The following PDCL variants were observed in gnomAD, a reference collection of about 807,000 sequenced individuals.
The protein encoded by PDCL is phosducin-like protein.
A neutral mutation model predicts 26.7 loss-of-function variants in PDCL; 11 were observed. That is an observed-to-expected ratio of 0.41 (90% CI 0.26 to 0.68). PDCL has a LOEUF of 0.68. Among genes scored for constraint, PDCL ranks in the 30% least tolerant of loss-of-function variants. PDCL has a pLI of 0.30. For missense variants in PDCL, 330 were observed against 371.6 expected (o/e 0.89, Z 0.92); for synonymous variants, 118 against 134.9 (o/e 0.87, Z 0.87).
intron 3 of PDCL, among the ~76,000 whole-genome samples, chr9:122,821,568 T>G (rs1564268256): frequency 6.6e-6 from 1 of 152,196 alleles, no homozygotes; most frequent in Non-Finnish European, 1.5e-5. Context: ...TATTTCCTCA[T>G]GTTTCCAAAT....
In PDCL at chr9:122,820,182, T is replaced by G; in HGVS notation, c.809A>C (p.Glu270Ala). ...FAVDLEAFLQ[E>A]FGLLPEKEVL... ...TTCCTTTTCTGGGAGTAATCCAAAT[T>G]CCTGGAGAAAAGCTTCAAGGTCCAC... The change falls in exon 4 of 4, where the codon GAA becomes GCA. Residue 270 changes from glutamate (E) to alanine (A), a missense_variant. Physicochemically the swap from Glu to Ala is moderately radical, Grantham distance 107. Coordinates refer to ENST00000259467, the MANE Select transcript of PDCL (RefSeq NM_005388.5). The G allele has an allele frequency of 6.2e-7, 1 of 1,614,046 alleles. No individual in the cohort carries two copies.
chr9:122,820,553 T>C lies in PDCL; in HGVS notation c.438A>G (p.Glu146=), dbSNP rs1265810939. The C allele has an allele frequency of 1.2e-6, 2 of 1,614,044 alleles. No individual in the cohort carries two copies. The highest frequency in any genetic ancestry group is 1.7e-6 in the Non-Finnish European group (2 of 1,180,026). Reference sequence around the variant, plus strand: ...CCTTGTGAAGCTGCTGCCGCATCTCTTCCATTCGCTGCTTCCGGTACTGCT... The same window carrying C: ...CCTTGTGAAGCTGCTGCCGCATCTCCTCCATTCGCTGCTTCCGGTACTGCT... ...FLQQYRKQRM[E]EMRQQLHKGP... is the part of the protein sequence containing the mutation. Residue 146 remains glutamate (E), a synonymous_variant, in exon 4 of 4, where the codon GAA becomes GAG. Coordinates refer to ENST00000259467, the MANE Select transcript of PDCL (RefSeq NM_005388.5).
chr9:122,819,331 GT>G lies in PDCL; in HGVS notation c.*753del, dbSNP rs1255346105. The G allele has an allele frequency of 5.3e-5, 8 of 151,238 alleles. No individual in the cohort carries two copies. Among genetic ancestry groups the G allele is most frequent in the African/African-American group, 1.9e-4 (8 of 41,216 alleles). 9.4% of individuals were successfully genotyped at this position (151,238 alleles called of 1,614,324 possible). On this transcript the variant is annotated 3_prime_UTR_variant, in exon 4 of 4. Coordinates refer to ENST00000259467, the MANE Select transcript of PDCL (RefSeq NM_005388.5). ...TCTAGGTTAAACAAAAAGTTACCTT[GT>G]TAAACAAAAAGTTACCTTGTTAAAC... is the stretch of plus-strand genomic sequence containing the variant.
chr9:122,826,225 A>T (rs1399594405), intron 2 of PDCL, among the ~76,000 whole-genome samples: 1 of 152,270 alleles, frequency 6.6e-6, no homozygotes, highest in Non-Finnish European at 1.5e-5. Context: ...AGAAACACAG[A>T]TTGCTGATTA....
At chr9:122,824,579 G>A (rs1412059468) in intron 2 of PDCL, among the ~76,000 whole-genome samples, 1 of 152,058 alleles carries the variant, frequency 6.6e-6, no homozygotes, top group Non-Finnish European at 1.5e-5. Flanking sequence ...GGAGTCTATT[G>A]GTTTCACAGA....
chr9:122,824,402 G>A (rs1369842818), intron 2 of PDCL, among the ~76,000 whole-genome samples: 6 of 152,110 alleles, frequency 3.9e-5, no homozygotes, highest in Admixed American at 2.6e-4. Flanking sequence ...CCATGAAAAC[G>A]GTGTGTCCTA....
At chr9:122,826,536 T>C (rs1053955050) in intron 2 of PDCL, 80 bp downstream of exon 2, 4 of 1,170,780 alleles carry the variant, frequency 3.4e-6, no homozygotes, top group African/African-American at 1.5e-5. Flanking sequence ...GGAGAATTAA[T>C]TTATTAATAT....
chr9:122,822,917 T>C lies in PDCL; in HGVS notation c.354+99A>G. ...ATGATTTCTCCTGCACTGCACAACT[T>C]CTTGGAGGTCAAATCAAGCATCCTC... is the stretch of plus-strand genomic sequence containing the variant. On this transcript the variant is annotated intron_variant, in intron 3 of 3. Transcript: ENST00000259467. The C allele has an allele frequency of 2.7e-6, 3 of 1,104,106 alleles. No individual in the cohort carries two copies. The South Asian group carries it at 4.1e-5, about 15-fold the overall frequency. The allele number at this position is 1,104,106 out of a possible 1,614,324, so 68.4% of individuals were successfully genotyped here. A position where few individuals can be genotyped will look rare whatever the true frequency, so the allele number is the denominator to read the frequency against.
Position 122,819,277 on chromosome 9 carries a change from A to G in PDCL, c.*808T>C, listed in dbSNP as rs914557490. The G allele has an allele frequency of 3.3e-5, 5 of 151,696 alleles. No homozygotes were observed. Among genetic ancestry groups the G allele is most frequent in the Admixed American group, 2.6e-4 (4 of 15,242 alleles). The allele number at this position is 151,696 out of a possible 1,614,324, so 9.4% of individuals were successfully genotyped here. Reference sequence around the variant, plus strand: ...ACTGAATATGAATTACTTTTCCAATATGAAAAAAAAAAAAAGTTTTAAAAA... The same window carrying G: ...ACTGAATATGAATTACTTTTCCAATGTGAAAAAAAAAAAAAGTTTTAAAAA... On this transcript the variant is annotated 3_prime_UTR_variant, in exon 4 of 4. Coordinates refer to ENST00000259467, the MANE Select transcript of PDCL (RefSeq NM_005388.5).
At chr9:122,824,967 A>G (rs1453922643) in intron 2 of PDCL, among the ~76,000 whole-genome samples, 2 of 152,222 alleles carry the variant, frequency 1.3e-5, no homozygotes, top group Non-Finnish European at 2.9e-5. Flanking sequence ...AGAGAAATTC[A>G]GTACATAATA....
chr9:122,826,707 G>C lies in PDCL; in HGVS notation c.81C>G (p.His27Gln), dbSNP rs764748313. ...CACATCTGCCTCGGTCCTTGTCCTC[G>C]TGGTCACTGTCCTCATCCTCACTGC... ...YSSSEDEDSD[H>Q]EDKDRGRCAP... is the part of the protein sequence containing the mutation. The change falls in exon 2 of 4, where the codon CAC becomes CAG. Residue 27 changes from histidine (H) to glutamine (Q), a missense_variant. Coordinates refer to ENST00000259467, the MANE Select transcript of PDCL (RefSeq NM_005388.5). 3 of 1,614,106 alleles carry C rather than the reference G, an allele frequency of 1.9e-6. No homozygotes were observed. Among genetic ancestry groups the C allele is most frequent in the Admixed American group, 3.3e-5 (2 of 60,008 alleles).
Position 122,820,925 on chromosome 9 carries a change from G to A in PDCL, c.355-289C>T, listed in dbSNP as rs1299848206. The A allele has an allele frequency of 2.1e-5, 7 of 335,180 alleles. No homozygotes were observed. The East Asian group carries it at 3.8e-4, about 18-fold the overall frequency. 20.8% of individuals were successfully genotyped at this position (335,180 alleles called of 1,614,324 possible). On this transcript the variant is annotated intron_variant, in intron 3 of 3. Transcript: ENST00000259467. ...CACAACAAGAATCACTTGAACCTGG[G>A]AGGCAGAGGTTGCAGTTAGCCAAGA...
In PDCL at chr9:122,820,187, G is replaced by A. The variant is rs10985790; in HGVS notation, c.804C>T (p.Leu268=). Residue 268 remains leucine, a synonymous_variant, in exon 4 of 4, where the codon CTC becomes CTT. Coordinates refer to ENST00000259467, the MANE Select transcript of PDCL (RefSeq NM_005388.5). ...DFFAVDLEAF[L]QEFGLLPEKE... is the part of the protein sequence containing the mutation. Reference sequence around the variant, plus strand: ...TTTCTGGGAGTAATCCAAATTCCTGGAGAAAAGCTTCAAGGTCCACAGCAA... The same window carrying A: ...TTTCTGGGAGTAATCCAAATTCCTGAAGAAAAGCTTCAAGGTCCACAGCAA... 3.3e-3 allele frequency: 5,299 copies of A among 1,614,098 alleles called. 144 individuals are homozygous for A. The East Asian group carries it at 0.048, about 14-fold the overall frequency.
chr9:122,826,845 G>GA (rs1321688540), intron 1 of PDCL, 53 bp from the exon 2 acceptor site: 5 of 1,564,318 alleles, frequency 3.2e-6, no homozygotes, highest in Non-Finnish European at 3.5e-6. Context: ...AGACAGACAT[G>GA]AATCTGAAGC....
Position 122,820,019 on chromosome 9 carries a change from C to G in PDCL, c.*66G>C. 7.3e-7 allele frequency: 1 copy of G among 1,360,612 alleles called. No individual in the cohort carries two copies. The highest frequency in any genetic ancestry group is 1.0e-6 in the Non-Finnish European group (1 of 995,318). The allele number at this position is 1,360,612 out of a possible 1,614,324, so 84.3% of individuals were successfully genotyped here. ...GCTGAAAAGCCAGAAGACAAAGGAA[C>G]AAAAATAAACAATGACGTGTATTCC... On this transcript the variant is annotated 3_prime_UTR_variant, in exon 4 of 4. Coordinates refer to ENST00000259467, the MANE Select transcript of PDCL (RefSeq NM_005388.5).
At position 122,819,309 on chromosome 9, in the gene PDCL, A is replaced by G. The variant is rs1380694425; in HGVS notation, c.*776T>C. 6.6e-6 allele frequency: 1 copy of G among 152,166 alleles called. No individual in the cohort carries two copies. Among genetic ancestry groups the G allele is most frequent in the Non-Finnish European group, 1.5e-5 (1 of 68,028 alleles). The allele number at this position is 152,166 out of a possible 1,614,324, so 9.4% of individuals were successfully genotyped here. A position where few individuals can be genotyped will look rare whatever the true frequency, so the allele number is the denominator to read the frequency against. ...AAAAAAAAAGTTTTAAAAAAAATCT[A>G]GGTTAAACAAAAAGTTACCTTGTTA... On this transcript the variant is annotated 3_prime_UTR_variant, in exon 4 of 4. Transcript: ENST00000259467.
intron 2 of PDCL, 125 bp from the exon 3 acceptor site, chr9:122,823,322 G>T (rs1474355887): frequency 1.1e-6 from 1 of 908,888 alleles, no homozygotes; most frequent in East Asian, 2.4e-5. Context: ...ATTATCATAG[G>T]GACTCTGTGT....
At chr9:122,821,413 AACAC>A (rs148493349) in intron 3 of PDCL, among the ~76,000 whole-genome samples, 1 of 150,342 alleles carries the variant, frequency 6.7e-6, no homozygotes, top group East Asian at 1.9e-4. Flanking sequence ...ACCATCCCCA[AACAC>A]ACACACACAC....
At position 122,820,015 on chromosome 9, in the gene PDCL, G is replaced by A. The variant is rs1042419341; in HGVS notation, c.*70C>T. On this transcript the variant is annotated 3_prime_UTR_variant, in exon 4 of 4. Transcript: ENST00000259467. ...AACAGCTGAAAAGCCAGAAGACAAA[G>A]GAACAAAAATAAACAATGACGTGTA... 2.0e-5 allele frequency: 27 copies of A among 1,320,978 alleles called. No homozygotes were observed. The Admixed American group carries it at 3.1e-4, about 15-fold the overall frequency. 81.8% of individuals were successfully genotyped at this position (1,320,978 alleles called of 1,614,324 possible). A position where few individuals can be genotyped will look rare whatever the true frequency, so the allele number is the denominator to read the frequency against.
Sources: gnomAD v4.1 joint callset for allele counts (sites outside exome capture counted in the v4.1 genomes callset) on GRCh38, gnomAD v4.1.1 for gene constraint, MANE v1.5 for transcripts, NCBI Gene and HGNC (gene_info 2026-07-23, HGNC 2026-07-21) for gene names.